KIRREL2: variants seen among roughly 807,000 people sequenced by gnomAD.
KIRREL2 encodes kirre like nephrin family adhesion molecule 2.
KIRREL2 carries 56 observed loss-of-function variants against 73.4 expected under a neutral mutation model. That is an observed-to-expected ratio of 0.76 (90% CI 0.62 to 0.95). KIRREL2 has a LOEUF of 0.95. Ranked by LOEUF, KIRREL2 falls within the 40% of genes least tolerant of loss-of-function variation. KIRREL2 has a pLI of 0.00. For missense variants in KIRREL2, 896 were observed against 935.0 expected (o/e 0.96, Z 0.54); for synonymous variants, 407 against 404.0 (o/e 1.01, Z -0.09).
At position 35,861,030 on chromosome 19, in the gene KIRREL2, C is replaced by A; in HGVS notation, c.1050C>A (p.Gly350=). The part of the protein sequence containing the change: ...LPRVTWTRRG[G]AQVLGSGATL... The stretch of plus-strand genomic sequence containing the variant: ...GGGTAACCTGGACCCGCCGCGGTGG[C>A]GCGCAGGTACAGCCCTAAATCTGAG... The change falls in exon 8 of 15, where the codon GGC becomes GGA. Residue 350 remains glycine (G), a synonymous_variant. Coordinates refer to ENST00000360202, the MANE Select transcript of KIRREL2 (RefSeq NM_199180.4). 1 of 1,611,350 alleles carries A rather than the reference C, an allele frequency of 6.2e-7. No individual in the cohort carries two copies.
chr19:35,860,093 C>T (rs1238081945), intron 5 of KIRREL2, among the ~76,000 whole-genome samples: 3 of 152,066 alleles, frequency 2.0e-5, no homozygotes, highest in South Asian at 2.1e-4. Context: ...ACTCTCACAT[C>T]GGGGAGACTA....
chr19:35,856,869 C>A, upstream of KIRREL2: 1 of 567,408 alleles, frequency 1.8e-6, no homozygotes. This position sits in a 1 kb window ranked among gnomAD's most constrained non-coding sequence, Gnocchi z 5.9. Flanking sequence ...GGGGGGCGGA[C>A]CCGGGCGGGG....
rs1599860214 is a variant in KIRREL2, at chr19:35,859,591, G to C, written c.633G>C (p.Leu211=). ...TFVCRARSQA[L]PTGRDTAITL... ...TCTGCCGGGCCCGGAGCCAGGCCCT[G>C]CCCACAGGAAGAGACACAGCTATCA... Residue 211 remains leucine, a synonymous_variant, in exon 5 of 15, where the codon CTG becomes CTC. Transcript: ENST00000360202. 3 of 1,614,076 alleles carry C rather than the reference G, an allele frequency of 1.9e-6. No homozygotes were observed. In the African/African-American group the frequency reaches 4.0e-5, roughly 22 times the overall value.
At chr19:35,852,572 C>A (rs1357972852), upstream of KIRREL2, among the ~76,000 whole-genome samples, 1 of 152,036 alleles carries the variant, frequency 6.6e-6, no homozygotes, top group Non-Finnish European at 1.5e-5. Flanking sequence ...AGGCTCCTCC[C>A]AGCTGGCCCA....
chr19:35,853,746 A>G (rs1007497460), upstream of KIRREL2, among the ~76,000 whole-genome samples: 1 of 150,538 alleles, frequency 6.6e-6, no homozygotes, highest in African/African-American at 2.5e-5. Context: ...ATCATGGCTC[A>G]TTGAAGCCTC....
Position 35,857,392 on chromosome 19 carries a change from C to T in KIRREL2, c.109C>T (p.Leu37=). 1 of 1,612,954 alleles carries T rather than the reference C, an allele frequency of 6.2e-7. No homozygotes were observed. Among genetic ancestry groups the T allele is most frequent in the Admixed American group, 1.7e-5 (1 of 60,010 alleles). ...ACAGCCAGAGGACCTGGTGGTGCTGCTGGGGGAGGAAGCCCGGCTGCCGTG... is the reference window on the plus strand; with the variant it reads ...ACAGCCAGAGGACCTGGTGGTGCTGTTGGGGGAGGAAGCCCGGCTGCCGTG... ...LQQPEDLVVL[L]GEEARLPCAL... The change falls in exon 2 of 15, where the codon CTG becomes TTG. Residue 37 remains leucine (L), a synonymous_variant. Coordinates refer to ENST00000360202, the MANE Select transcript of KIRREL2 (RefSeq NM_199180.4).
chr19:35,853,085 G>T (rs1017201224), upstream of KIRREL2, among the ~76,000 whole-genome samples: 2 of 150,512 alleles, frequency 1.3e-5, no homozygotes, highest in African/African-American at 5.0e-5. Context: ...ATGAGCCACC[G>T]CACCTGGCCT....
At chr19:35,857,250 A>G in intron 1 of KIRREL2, 70 bp downstream of exon 1, 2 of 1,603,598 alleles carry the variant, frequency 1.2e-6, no homozygotes, top group Non-Finnish European at 1.7e-6. Context: ...CCTCTTCACT[A>G]GCGAGAAGGG....
At chr19:35,851,658 C>T, upstream of KIRREL2, 1 of 1,613,088 alleles carries the variant, frequency 6.2e-7, no homozygotes, top group Non-Finnish European at 8.5e-7. Flanking sequence ...GCAGGAATCG[C>T]CAACTGCGCC....
In KIRREL2 at chr19:35,864,725, GA is replaced by G. The variant is rs778899786; in HGVS notation, c.1791+13del. 1 of 1,599,786 alleles carries G rather than the reference GA, an allele frequency of 6.3e-7. No individual in the cohort carries two copies. The highest frequency in any genetic ancestry group is 8.6e-7 in the Non-Finnish European group (1 of 1,167,072). ...CTCTGGAGACCAAGGTGAGTGTTGA[GA>G]GGGGTGGGGCTCCCTTCACTGTTGG... On this transcript the variant is annotated intron_variant, in intron 14 of 14. Transcript: ENST00000360202.
rs563098022 is a variant in KIRREL2 at position 35,862,853 on chromosome 19, T to G, written c.1616-74T>G. 91 of 909,170 alleles carry G rather than the reference T, an allele frequency of 1.0e-4. No individual in the cohort carries two copies. The African/African-American group carries it at 1.4e-3, about 14-fold the overall frequency. 56.3% of individuals were successfully genotyped at this position (909,170 alleles called of 1,614,324 possible). On this transcript the variant is annotated intron_variant, in intron 12 of 14. Coordinates refer to ENST00000360202, the MANE Select transcript of KIRREL2 (RefSeq NM_199180.4). The stretch of plus-strand genomic sequence containing the variant: ...TCAGCCTCATTGGTTCCCAGTCCTC[T>G]CTCTTCCCGCTTATTGGTCTGCACA...
At chr19:35,862,089 C>A in intron 11 of KIRREL2, 65 bp downstream of exon 11, 1 of 1,401,198 alleles carries the variant, frequency 7.1e-7, no homozygotes, top group South Asian at 1.3e-5. Context: ...AGGGATCCCC[C>A]AGCCGAGGGC....
Position 35,860,555 on chromosome 19 carries a change from C to T in KIRREL2, c.816C>T (p.Arg272=), listed in dbSNP as rs1217483225. The change falls in exon 7 of 15, where the codon CGC becomes CGT. Residue 272 remains arginine (R), a synonymous_variant. Transcript: ENST00000360202. ...AKGGSPVLGA[R]GPRLEVVADA... is the part of the protein sequence containing the mutation. ...GGGGCTCTCCGGTGCTCGGGGCCCGCGGGCCAAGGTTAGAGGTCGTGGCAG... is the reference window on the plus strand; with the variant it reads ...GGGGCTCTCCGGTGCTCGGGGCCCGTGGGCCAAGGTTAGAGGTCGTGGCAG... 1.7e-5 allele frequency: 27 copies of T among 1,603,218 alleles called. No individual in the cohort carries two copies. In the Middle Eastern group the frequency reaches 6.6e-4, roughly 39 times the overall value.
chr19:35,860,222 A>G, intron 5 of KIRREL2, 75 bp from the exon 6 acceptor site: 1 of 1,230,000 alleles, frequency 8.1e-7, no homozygotes, highest in Non-Finnish European at 1.2e-6. Flanking sequence ...TGGAGGAACC[A>G]GGGACTGGAC....
chr19:35,862,937 T>G lies in KIRREL2; in HGVS notation c.1626T>G (p.Ser542=). Residue 542 remains serine, a synonymous_variant, in exon 13 of 15, where the codon TCT becomes TCG. Transcript: ENST00000360202. ...GTCGCTGTTTGTCAGCCTCAGCCTC[T>G]TTCTCCGAGCAAAAGAACCTGATGC... ...CCWRHSKASA[S]FSEQKNLMRI... is the part of the protein sequence containing the mutation. The G allele has an allele frequency of 6.4e-7, 1 of 1,568,868 alleles. No individual in the cohort carries two copies. Among genetic ancestry groups the G allele is most frequent in the East Asian group, 2.3e-5 (1 of 43,316 alleles).
upstream of KIRREL2, among the ~76,000 whole-genome samples, chr19:35,852,097 CTTTTTTTTT>C (rs10566018): frequency 8.2e-6 from 1 of 121,606 alleles, no homozygotes; most frequent in Non-Finnish European, 1.8e-5. Flanking sequence ...TTTTTTTTTT[CTTTTTTTTT>C]TTTTTAGAGA....
upstream of KIRREL2, chr19:35,851,644 G>T: frequency 6.2e-7 from 1 of 1,613,770 alleles, no homozygotes. Context: ...CCCGGGGAAC[G>T]GAGGCAGGAA....
At chr19:35,862,436 C>A in intron 11 of KIRREL2, 57 bp from the exon 12 acceptor site, 3 of 1,275,894 alleles carry the variant, frequency 2.4e-6, no homozygotes, top group African/African-American at 1.5e-5. Context: ...AATCCCTGAG[C>A]CCCCGCTTCC....
rs1368602687 is a variant in KIRREL2 at position 35,858,801 on chromosome 19, C to T, written c.459C>T (p.Arg153=). 4 of 1,614,194 alleles carry T rather than the reference C, an allele frequency of 2.5e-6. No homozygotes were observed. Among genetic ancestry groups the T allele is most frequent in the Admixed American group, 1.7e-5 (1 of 60,028 alleles). The part of the protein sequence containing the change: ...NLTCRSRGDA[R]PTPELLWFRD... ...CATGTCGGAGCCGTGGGGATGCCCG[C>T]CCTACCCCTGAATTGCTGTGGTTCC... Residue 153 remains arginine, a synonymous_variant, in exon 4 of 15, where the codon CGC becomes CGT. Transcript: ENST00000360202.
Sources: allele counts gnomAD v4.1 joint callset (sites outside exome capture counted in the v4.1 genomes callset), GRCh38; gene constraint gnomAD v4.1.1; non-coding constraint Gnocchi (gnomAD v3.1); transcripts MANE v1.5; gene names NCBI Gene and HGNC (gene_info 2026-07-23, HGNC 2026-07-21).